Variants in NMT2 observed in about 807,000 individuals in gnomAD.
The protein encoded by NMT2 is glycylpeptide N-tetradecanoyltransferase 2.
Under a neutral mutation model 65.4 loss-of-function variants are expected in NMT2, and 35 were observed. The observed-to-expected ratio is 0.54, with a 90% CI of 0.41 to 0.71. The LOEUF is 0.71. NMT2 is among the 30% of genes least tolerant of loss of function. NMT2 has a pLI of 0.00. For synonymous variants in NMT2, 226 were observed against 231.8 expected, an observed-to-expected ratio of 0.98 and a Z score of 0.23; for missense variants, 489 against 611.3, an observed-to-expected ratio of 0.80 and a Z score of 2.11.
At chr10:15,142,168 G>A (rs574962702) in intron 1 of NMT2, among the ~76,000 whole-genome samples, 12 of 152,352 alleles carry the variant, frequency 7.9e-5, no homozygotes, top group African/African-American at 2.9e-4. Flanking sequence ...GGTTATTCAT[G>A]TTTTAAAGTA....
chr10:15,129,628 G>A (rs1846205499), intron 7 of NMT2, among the ~76,000 whole-genome samples: 1 of 152,170 alleles, frequency 6.6e-6, no homozygotes, highest in Non-Finnish European at 1.5e-5. Flanking sequence ...CATGTCCTAG[G>A]TTTTCCCATG....
intron 1 of NMT2, chr10:15,155,030 C>T (rs1832944423): frequency 8.2e-7 from 1 of 1,220,826 alleles, no homozygotes; most frequent in African/African-American, 1.5e-5. Context: ...GCTTCATGGA[C>T]AAGATGCCAG....
intron 2 of NMT2, among the ~76,000 whole-genome samples, chr10:15,140,628 C>T (rs942894909): frequency 7.2e-5 from 11 of 152,152 alleles, no homozygotes; most frequent in African/African-American, 2.7e-4. Flanking sequence ...ATGGATCCTC[C>T]CACCTCGGCC....
At chr10:15,137,831 C>T (rs1036033754) in intron 2 of NMT2, among the ~76,000 whole-genome samples, 1 of 152,028 alleles carries the variant, frequency 6.6e-6, no homozygotes, top group African/African-American at 2.4e-5. Context: ...CATCTTTGTT[C>T]CACATGACCC....
intron 1 of NMT2, among the ~76,000 whole-genome samples, chr10:15,162,251 C>CAAAA (rs35457996): frequency 1.5e-5 from 1 of 68,138 alleles, no homozygotes; most frequent in Admixed American, 1.6e-4. Flanking sequence ...GACCTTGTCT[C>CAAAA]AAAAAAAAAA....
intron 1 of NMT2, among the ~76,000 whole-genome samples, chr10:15,155,548 T>G (rs1022843734): frequency 7.5e-6 from 1 of 134,134 alleles, no homozygotes; most frequent in African/African-American, 3.0e-5. Flanking sequence ...TTTTTTTTTT[T>G]TTTTTTTTTT....
chr10:15,156,917 G>A (rs567492093), intron 1 of NMT2, among the ~76,000 whole-genome samples: 2 of 151,676 alleles, frequency 1.3e-5, no homozygotes, highest in East Asian at 1.9e-4. Flanking sequence ...AAAAGGTTTC[G>A]CAAAAAGAAC....
chr10:15,133,307 C>T lies in NMT2; in HGVS notation c.448G>A (p.Glu150Lys). 6.2e-7 allele frequency: 1 copy of T among 1,614,160 alleles called. No individual in the cohort carries two copies. The highest frequency in any genetic ancestry group is 8.5e-7 in the Non-Finnish European group (1 of 1,180,018). The change falls in exon 4 of 12, where the codon GAA (glutamate) becomes AAA (lysine). Residue 150 changes from glutamate to lysine, a missense_variant. By Grantham distance (56) the Glu-to-Lys change is moderately conservative. Coordinates refer to ENST00000378165, the MANE Select transcript of NMT2 (RefSeq NM_004808.3). Reference protein sequence around the residue: ...IEPDKDNVRQEPYSLPQGFMW... With the variant: ...IEPDKDNVRQKPYSLPQGFMW... ...AAACCCTGTGGCAAAGAATACGGTT[C>T]TTGGCGTACGTTGTCTTTATCTGGT...
At chr10:15,168,386 A>C in intron 1 of NMT2, 117 bp downstream of exon 1, 1 of 559,646 alleles carries the variant, frequency 1.8e-6, no homozygotes, top group Non-Finnish European at 2.9e-6. Flanking sequence ...CGGAGAAGCC[A>C]TCGCGGGGCG....
chr10:15,166,081 T>C (rs1833369782), intron 1 of NMT2, among the ~76,000 whole-genome samples: 1 of 149,770 alleles, frequency 6.7e-6, no homozygotes, highest in South Asian at 2.1e-4. Flanking sequence ...GAACAGCATA[T>C]GCAGTTTTAC....
In NMT2 at chr10:15,135,521, C is replaced by G. The variant is rs1293763495; in HGVS notation, c.247-103G>C. ...CCTCAGAGACTACAATACCTAAACA[C>G]TAACAATCCTCCTCCAAGCCCAGTC... On this transcript the variant is annotated intron_variant, in intron 2 of 11. Coordinates refer to ENST00000378165, the MANE Select transcript of NMT2 (RefSeq NM_004808.3). 18 of 1,165,326 alleles carry G rather than the reference C, an allele frequency of 1.5e-5. No homozygotes were observed. The East Asian group carries it at 2.1e-4, about 14-fold the overall frequency. The allele number at this position is 1,165,326 out of a possible 1,614,324, so 72.2% of individuals were successfully genotyped here.
intron 8 of NMT2, among the ~76,000 whole-genome samples, chr10:15,121,790 A>C (rs1178899403): frequency 6.6e-6 from 1 of 152,212 alleles, no homozygotes; most frequent in Non-Finnish European, 1.5e-5. Context: ...GGGGAATGGG[A>C]GGTGCATGCT....
intron 1 of NMT2, among the ~76,000 whole-genome samples, chr10:15,150,749 G>C (rs1202229659): frequency 6.6e-6 from 1 of 152,144 alleles, no homozygotes. Context: ...TTTGGACAAA[G>C]GTGACTGAGA....
chr10:15,162,507 A>G (rs1833232981), intron 1 of NMT2, among the ~76,000 whole-genome samples: 1 of 151,932 alleles, frequency 6.6e-6, no homozygotes, highest in African/African-American at 2.4e-5. Context: ...GTCACATGCA[A>G]GTGCTCCATG....
At chr10:15,113,518 A>C (rs1845645506) in intron 9 of NMT2, among the ~76,000 whole-genome samples, 1 of 151,660 alleles carries the variant, frequency 6.6e-6, no homozygotes, top group Admixed American at 6.6e-5. Context: ...GAATGTCCTA[A>C]AAGGAAAGCT....
chr10:15,121,335 C>G (rs1278802555), intron 8 of NMT2, among the ~76,000 whole-genome samples: 1 of 152,150 alleles, frequency 6.6e-6, no homozygotes, highest in Non-Finnish European at 1.5e-5. Context: ...CATCACAATT[C>G]CTGCATGCCC....
chr10:15,138,519 A>G (rs2131566634), intron 2 of NMT2: 2 of 470,076 alleles, frequency 4.3e-6, no homozygotes, highest in South Asian at 3.1e-5. Context: ...CCACTCCTAT[A>G]TAAGAGGCAG....
At chr10:15,156,685 T>C (rs1833011673) in intron 1 of NMT2, among the ~76,000 whole-genome samples, 1 of 151,732 alleles carries the variant, frequency 6.6e-6, no homozygotes, top group Admixed American at 6.6e-5. Flanking sequence ...GATCACAAGG[T>C]CAGGAGTTTG....
chr10:15,130,210 G>T lies in NMT2; in HGVS notation c.822C>A (p.Asn274Lys), dbSNP rs1208001792. The change falls in exon 7 of 12, where the codon AAC (asparagine) becomes AAA (lysine). Residue 274 changes from asparagine (N) to lysine (K), a missense_variant. Transcript: ENST00000378165. ...VLIREITRRV[N>K]LEGIFQAVYT... ...ACACAGCCTGGAAGATCCCTTCCAG[G>T]TTCACTCTTCTAGTGATCTCTCGGA... 1.9e-6 allele frequency: 3 copies of T among 1,607,312 alleles called. No individual in the cohort carries two copies. The Admixed American group carries it at 5.0e-5, about 27-fold the overall frequency.
Sources: allele counts gnomAD v4.1 joint callset (sites outside exome capture counted in the v4.1 genomes callset), GRCh38; gene constraint gnomAD v4.1.1; transcripts MANE v1.5; gene names NCBI Gene and HGNC (gene_info 2026-07-23, HGNC 2026-07-21).